The following ERBB4 variants were observed in gnomAD, a reference collection of about 807,000 sequenced individuals.
ERBB4 encodes the protein erb-b2 receptor tyrosine kinase 4.
In ERBB4, 42 loss-of-function variants were observed where a neutral mutation model predicts 158.0. The observed-to-expected ratio is 0.27, with a 90% CI of 0.21 to 0.34. The LOEUF (loss-of-function observed/expected upper bound fraction) is 0.34. Among genes scored for constraint, ERBB4 ranks in the 10% least tolerant of loss-of-function variants. The probability of loss-of-function intolerance (pLI) is 1.00; values close to 1 mark genes in which losing one functional copy is unlikely to be tolerated. For missense variants in ERBB4, 1,333 were observed against 1,624.1 expected (o/e 0.82, Z 3.08); for synonymous variants, 583 against 558.7 (o/e 1.04, Z -0.61).
chr2:211,658,266 C>G (rs991753334), intron 15 of ERBB4, among the ~76,000 whole-genome samples: 1 of 152,144 alleles, frequency 6.6e-6, no homozygotes, highest in African/African-American at 2.4e-5. Context: ...ACTTCTAATA[C>G]TTTGAACTGA....
chr2:212,272,431 G>A (rs1427608111), intron 1 of ERBB4, among the ~76,000 whole-genome samples: 1 of 151,696 alleles, frequency 6.6e-6, no homozygotes. Flanking sequence ...GGTCATGGCC[G>A]TTGAATTGTG....
chr2:211,900,020 T>C (rs929226023), intron 3 of ERBB4, among the ~76,000 whole-genome samples: 2 of 152,136 alleles, frequency 1.3e-5, no homozygotes, highest in Admixed American at 1.3e-4. Context: ...GCAGTTTTAA[T>C]GCCACTCTTC....
chr2:212,306,811 A>G (rs1574645568), intron 1 of ERBB4, among the ~76,000 whole-genome samples: 1 of 151,290 alleles, frequency 6.6e-6, no homozygotes, highest in Non-Finnish European at 1.5e-5. Flanking sequence ...GTTACTTACA[A>G]ATTTACTTAC....
intron 3 of ERBB4, among the ~76,000 whole-genome samples, chr2:211,921,762 AGAAG>A (rs575761796): frequency 1.2e-3 from 186 of 152,226 alleles, no homozygotes; most frequent in African/African-American, 4.3e-3. Flanking sequence ...GTAAATGATG[AGAAG>A]GAAGTAGTCA....
intron 1 of ERBB4, among the ~76,000 whole-genome samples, chr2:212,239,588 G>A (rs1021247021): frequency 6.6e-6 from 1 of 152,106 alleles, no homozygotes; most frequent in Non-Finnish European, 1.5e-5. Flanking sequence ...CAGTCCCACT[G>A]CTACTTATTA....
chr2:212,335,521 CTTG>C (rs2088393476), intron 1 of ERBB4, among the ~76,000 whole-genome samples: 2 of 151,728 alleles, frequency 1.3e-5, no homozygotes, highest in Admixed American at 6.6e-5. Context: ...TATGAAAAAC[CTTG>C]TTAAGTTACC....
At chr2:211,650,884 C>T (rs2070956635) in intron 16 of ERBB4, among the ~76,000 whole-genome samples, 1 of 152,064 alleles carries the variant, frequency 6.6e-6, no homozygotes. Flanking sequence ...ATCCAGTGTA[C>T]TTTTTACAAT....
chr2:212,122,162 A>G (rs1355351010), intron 2 of ERBB4, among the ~76,000 whole-genome samples: 1 of 151,852 alleles, frequency 6.6e-6, no homozygotes, highest in East Asian at 1.9e-4. Context: ...AAACACATAT[A>G]TGTAATATGC....
chr2:211,666,498 T>C (rs2071633797), intron 14 of ERBB4, among the ~76,000 whole-genome samples: 1 of 152,170 alleles, frequency 6.6e-6, no homozygotes, highest in South Asian at 2.1e-4. Flanking sequence ...CTAAAACATA[T>C]ATGAATTTTA....
intron 2 of ERBB4, among the ~76,000 whole-genome samples, chr2:212,098,326 A>C (rs2078988257): frequency 6.7e-6 from 1 of 150,048 alleles, no homozygotes; most frequent in Non-Finnish European, 1.5e-5. Flanking sequence ...GGCTATGAGA[A>C]GAAAGGTTTT....
intron 2 of ERBB4, among the ~76,000 whole-genome samples, chr2:211,983,030 A>G (rs1052149450): frequency 2.6e-5 from 4 of 152,210 alleles, no homozygotes; most frequent in South Asian, 2.1e-4. Context: ...CATTTTGCCA[A>G]TTCTCCTTTA....
At chr2:211,709,254 C>CATATATATATATAT (rs200613120) in intron 9 of ERBB4, among the ~76,000 whole-genome samples, 2 of 101,554 alleles carry the variant, frequency 2.0e-5, no homozygotes, top group African/African-American at 7.9e-5. Context: ...TATATATACA[C>CATATATATATATAT]ATATATATAT....
chr2:212,020,246 C>T (rs1458331614), intron 2 of ERBB4, among the ~76,000 whole-genome samples: 3 of 152,010 alleles, frequency 2.0e-5, no homozygotes, highest in African/African-American at 7.2e-5. Flanking sequence ...AACTACTTAA[C>T]AATCCTACGC....
intron 2 of ERBB4, among the ~76,000 whole-genome samples, chr2:211,968,953 G>A (rs13005347): frequency 0.039 from 5,871 of 151,960 alleles, 162 homozygotes; most frequent in East Asian, 0.11. Context: ...ATTCAAATTA[G>A]TAATGTACAT....
At position 211,803,967 on chromosome 2, in the gene ERBB4, A is replaced by T. The variant is rs1214918917; in HGVS notation, c.422-15808T>A. On this transcript the variant is annotated intron_variant, in intron 3 of 27. Transcript: ENST00000342788. The stretch of plus-strand genomic sequence containing the variant: ...TAGAGACCAGAAGGCACTGAATTCC[A>T]TAAGACTTCTTCATACTTCTTGTCA... Among the ~76,000 whole-genome samples, 3 of 152,224 alleles carry T rather than the reference A, an allele frequency of 2.0e-5. No homozygotes were observed. The South Asian group carries it at 6.2e-4, about 31-fold the overall frequency.
intron 3 of ERBB4, among the ~76,000 whole-genome samples, chr2:211,916,095 A>G (rs2079681054): frequency 6.6e-6 from 1 of 151,940 alleles, no homozygotes. Context: ...AAAAAATTAA[A>G]AATATCTAGA....
chr2:212,286,728 A>G (rs1338345928), intron 1 of ERBB4, among the ~76,000 whole-genome samples: 2 of 136,704 alleles, frequency 1.5e-5, no homozygotes, highest in East Asian at 4.3e-4. Flanking sequence ...CAGCTCCCCA[A>G]GTAGCTGGGA....
intron 2 of ERBB4, among the ~76,000 whole-genome samples, chr2:212,116,044 A>G (rs531958621): frequency 1.3e-5 from 2 of 152,196 alleles, no homozygotes; most frequent in South Asian, 2.1e-4. Flanking sequence ...GTTATTTATT[A>G]TTATTGAAAT....
Position 211,522,130 on chromosome 2 carries a change from C to A in ERBB4, c.2487+39773G>T, listed in dbSNP as rs946159833. Among the ~76,000 whole-genome samples, 12 of 152,202 alleles carry A rather than the reference C, an allele frequency of 7.9e-5. No homozygotes were observed. In the South Asian group the frequency reaches 1.2e-3, roughly 16 times the overall value. On this transcript the variant is annotated intron_variant, in intron 20 of 27. Coordinates refer to ENST00000342788, the MANE Select transcript of ERBB4 (RefSeq NM_005235.3). ...TATAACTACCACAGATAATGATTCC[C>A]TGATTGATCTGGACAAAGTAAATTG...
Sources: allele counts gnomAD v4.1 joint callset (sites outside exome capture counted in the v4.1 genomes callset), GRCh38; gene constraint gnomAD v4.1.1; transcripts MANE v1.5; gene names NCBI Gene and HGNC (gene_info 2026-07-23, HGNC 2026-07-21).